Variants in RPS6KB1 observed in about 807,000 individuals in gnomAD.
The protein encoded by RPS6KB1 is ribosomal protein S6 kinase beta-1.
Under a neutral mutation model 70.2 loss-of-function variants are expected in RPS6KB1, and 12 were observed. That is an observed-to-expected ratio of 0.17 (90% CI 0.11 to 0.28). The LOEUF (loss-of-function observed/expected upper bound fraction) is 0.28. RPS6KB1 is among the 10% of genes least tolerant of loss of function. The probability of loss-of-function intolerance (pLI) is 1.00; values close to 1 mark genes in which losing one functional copy is unlikely to be tolerated. For synonymous variants in RPS6KB1, 175 were observed against 211.2 expected (o/e 0.83, Z 1.49); for missense variants, 270 against 646.6 (o/e 0.42, Z 6.32).
chr17:59,944,950 C>T (rs186674085), intron 13 of RPS6KB1, among the ~76,000 whole-genome samples: 2 of 152,094 alleles, frequency 1.3e-5, no homozygotes, highest in African/African-American at 2.4e-5. Flanking sequence ...AGGCGTGCAC[C>T]ACCATGCATG....
chr17:59,897,892 G>A (rs57185038), intron 1 of RPS6KB1, among the ~76,000 whole-genome samples: 19,624 of 151,290 alleles, frequency 0.13, 1,523 homozygotes, highest in Middle Eastern at 0.22. Flanking sequence ...TTGAACCTGG[G>A]AGGTGGAGGT....
At chr17:59,909,226 C>CTTTTTT (rs1165144356) in intron 1 of RPS6KB1, among the ~76,000 whole-genome samples, 2 of 78,068 alleles carry the variant, frequency 2.6e-5, no homozygotes, top group African/African-American at 4.9e-5. Context: ...CCGCACGTGG[C>CTTTTTT]TTTTTTTTTT....
chr17:59,919,585 A>G (rs924026743), intron 4 of RPS6KB1, among the ~76,000 whole-genome samples: 1 of 151,798 alleles, frequency 6.6e-6, no homozygotes, highest in African/African-American at 2.4e-5. Context: ...GAAGATGGAG[A>G]TCTTACCTCT....
chr17:59,904,845 C>T (rs886321937), intron 1 of RPS6KB1, among the ~76,000 whole-genome samples: 4 of 151,698 alleles, frequency 2.6e-5, no homozygotes, highest in Non-Finnish European at 5.9e-5. Context: ...TACAGGCACT[C>T]GCCACCATAT....
chr17:59,901,075 C>G (rs989623920), intron 1 of RPS6KB1, among the ~76,000 whole-genome samples: 4 of 151,658 alleles, frequency 2.6e-5, no homozygotes, highest in Non-Finnish European at 4.4e-5. Flanking sequence ...GCAGGAGAAT[C>G]ACTTGAACTT....
intron 1 of RPS6KB1, among the ~76,000 whole-genome samples, chr17:59,909,565 C>T (rs960575301): frequency 6.6e-6 from 1 of 151,334 alleles, no homozygotes; most frequent in Non-Finnish European, 1.5e-5. Context: ...CATGCCCAGC[C>T]TGTCATATAA....
intron 13 of RPS6KB1, among the ~76,000 whole-genome samples, chr17:59,943,890 T>TTATA (rs34821995): frequency 0.12 from 15,982 of 131,980 alleles, 1,232 homozygotes; most frequent in Middle Eastern, 0.22. Flanking sequence ...AAAAAAAAAA[T>TTATA]TATATATATA....
At chr17:59,931,506 C>T in intron 6 of RPS6KB1, 116 bp from the exon 7 acceptor site, 1 of 719,276 alleles carries the variant, frequency 1.4e-6, no homozygotes, top group Non-Finnish European at 2.5e-6. Context: ...TCCCCCTACC[C>T]CACTAATTTG....
intron 12 of RPS6KB1, among the ~76,000 whole-genome samples, chr17:59,939,181 TTG>T (rs1045863727): frequency 6.6e-6 from 1 of 151,466 alleles, no homozygotes; most frequent in Non-Finnish European, 1.5e-5. Context: ...CCAATGAACT[TTG>T]TGTGTGTGTG....
chr17:59,906,317 T>C (rs1216968165), intron 1 of RPS6KB1, among the ~76,000 whole-genome samples: 2 of 152,158 alleles, frequency 1.3e-5, no homozygotes, highest in Non-Finnish European at 2.9e-5. Context: ...TTTGTTCTTT[T>C]TCAAGATTGT....
intron 4 of RPS6KB1, among the ~76,000 whole-genome samples, chr17:59,923,589 C>T (rs1443450120): frequency 6.6e-6 from 1 of 151,966 alleles, no homozygotes; most frequent in Non-Finnish European, 1.5e-5. Flanking sequence ...CGGCTCACTG[C>T]AGCCTCCACC....
At position 59,946,636 on chromosome 17, in the gene RPS6KB1, A is replaced by C; in HGVS notation, c.1426A>C (p.Met476Leu). ...TCCTCAGACACCTGTGGAATACCCA[A>C]TGGAAACAAGTGGCATAGAGCAGAT... ...ANPQTPVEYP[M>L]ETSGIEQMDV... is the part of the protein sequence containing the mutation. Residue 476 changes from methionine to leucine, a missense_variant, in exon 15 of 15, where the codon ATG becomes CTG. By Grantham distance (15) the Met-to-Leu change is conservative. Transcript: ENST00000225577. This position sits in a 1 kb window ranked among gnomAD's most constrained non-coding sequence, Gnocchi z 4.2. 6.2e-7 allele frequency: 1 copy of C among 1,614,128 alleles called. No individual in the cohort carries two copies. The highest frequency in any genetic ancestry group is 8.5e-7 in the Non-Finnish European group (1 of 1,179,994).
chr17:59,917,488 AGT>A (rs903505738), intron 4 of RPS6KB1, among the ~76,000 whole-genome samples: 3 of 151,942 alleles, frequency 2.0e-5, no homozygotes, highest in African/African-American at 7.3e-5. Context: ...CCCAGGCTGG[AGT>A]GTGGTGGTGT....
At chr17:59,925,553 T>C (rs1364079859) in intron 4 of RPS6KB1, among the ~76,000 whole-genome samples, 1 of 152,190 alleles carries the variant, frequency 6.6e-6, no homozygotes, top group Non-Finnish European at 1.5e-5. Flanking sequence ...ACTAGCCTCC[T>C]AACTAGTCTC....
rs2045064282 is a variant in RPS6KB1, at chr17:59,948,772, A to G, written c.*1984A>G. On this transcript the variant is annotated 3_prime_UTR_variant, in exon 15 of 15. Coordinates refer to ENST00000225577, the MANE Select transcript of RPS6KB1 (RefSeq NM_003161.4). ...ACAATAATAATTAAGGGCAGAAATT[A>G]TACTTAAAAAGTGCAGATCCTTGTT... 1 of 152,590 alleles carries G rather than the reference A, an allele frequency of 6.6e-6. No homozygotes were observed. The highest frequency in any genetic ancestry group is 2.4e-5 in the African/African-American group (1 of 41,458). 9.5% of individuals were successfully genotyped at this position (152,590 alleles called of 1,614,324 possible).
chr17:59,948,326 TTTTG>T lies in RPS6KB1; in HGVS notation c.*1544_*1547del, dbSNP rs1392989842. The stretch of plus-strand genomic sequence containing the variant: ...AGTTGCAGTTGAGTTGTATCACCTT[TTTTG>T]TTTGTCTTTTATAATGTCTTCAGTC... On this transcript the variant is annotated 3_prime_UTR_variant, in exon 15 of 15. Coordinates refer to ENST00000225577, the MANE Select transcript of RPS6KB1 (RefSeq NM_003161.4). The T allele has an allele frequency of 3.9e-5, 6 of 152,766 alleles. No homozygotes were observed. The highest frequency in any genetic ancestry group is 7.4e-5 in the Non-Finnish European group (5 of 68,026). 9.5% of individuals were successfully genotyped at this position (152,766 alleles called of 1,614,324 possible).
intron 4 of RPS6KB1, among the ~76,000 whole-genome samples, chr17:59,921,151 A>G (rs183220208): frequency 2.1e-3 from 315 of 151,936 alleles, no homozygotes; most frequent in African/African-American, 7.3e-3. Context: ...TTTTTTCCCC[A>G]CTCATGGTGG....
At chr17:59,938,138 GTT>G (rs759698631) in intron 12 of RPS6KB1, among the ~76,000 whole-genome samples, 2 of 66,854 alleles carry the variant, frequency 3.0e-5, no homozygotes, top group Non-Finnish European at 3.3e-5. Context: ...TTCCTTAGTT[GTT>G]TTTTTTTTTT....
In RPS6KB1 at chr17:59,946,495, T is replaced by C. The variant is rs2044932557; in HGVS notation, c.1341-56T>C. ...ACTCCCTTTAAACGTAAAGGAAATA[T>C]GTCTTGTTGAGATGACCCTTAAGCA... On this transcript the variant is annotated intron_variant, in intron 14 of 14. Transcript: ENST00000225577. The surrounding 1 kb of genome is among the most constrained non-coding windows in gnomAD (Gnocchi z 4.2). The C allele has an allele frequency of 1.1e-5, 14 of 1,261,816 alleles. No individual in the cohort carries two copies. Among genetic ancestry groups the C allele is most frequent in the Non-Finnish European group, 1.4e-5 (12 of 864,908 alleles). The allele number at this position is 1,261,816 out of a possible 1,614,324, so 78.2% of individuals were successfully genotyped here.
Sources: allele counts gnomAD v4.1 joint callset (sites outside exome capture counted in the v4.1 genomes callset), GRCh38; gene constraint gnomAD v4.1.1; non-coding constraint Gnocchi (gnomAD v3.1); transcripts MANE v1.5; gene names NCBI Gene and HGNC (gene_info 2026-07-23, HGNC 2026-07-21).